The following C16orf96 variants were observed in gnomAD, a reference collection of about 807,000 sequenced individuals.
The protein encoded by C16orf96 is uncharacterized protein C16orf96.
A neutral mutation model predicts 103.6 loss-of-function variants in C16orf96; 108 were observed. That is an observed-to-expected ratio of 1.04 (90% CI 0.89 to 1.22). C16orf96 has a LOEUF of 1.22. C16orf96 is among the 50% of genes most tolerant of loss of function. The probability of loss-of-function intolerance (pLI) is 0.00; values close to 1 mark genes in which losing one functional copy is unlikely to be tolerated. For missense variants in C16orf96, 1,586 were observed against 1,464.2 expected, an observed-to-expected ratio of 1.08 and a Z score of -1.36; for synonymous variants, 566 against 593.5, an observed-to-expected ratio of 0.95 and a Z score of 0.67.
In C16orf96 at chr16:4,576,585, A is replaced by G; in HGVS notation, c.2105A>G (p.Glu702Gly). ...CCTGTCAAACACGACTCTCTGAAGGAAGAATTTGCCCAGCTGTCCTGTAAC... is the reference window on the plus strand; with the variant it reads ...CCTGTCAAACACGACTCTCTGAAGGGAGAATTTGCCCAGCTGTCCTGTAAC... ...QIPVKHDSLK[E>G]EFAQLSCNLN... Residue 702 changes from glutamate (E) to glycine (G), a missense_variant, in exon 5 of 16, where the codon GAA becomes GGA. Glu to Gly is a moderately conservative substitution (Grantham distance 98). Coordinates refer to ENST00000444310, the MANE Select transcript of C16orf96 (RefSeq NM_001145011.2). The G allele has an allele frequency of 6.4e-7, 1 of 1,551,584 alleles. No individual in the cohort carries two copies. The highest frequency in any genetic ancestry group is 8.7e-7 in the Non-Finnish European group (1 of 1,146,986).
rs889725957 is a variant in C16orf96 at position 4,576,479 on chromosome 16, A to G, written c.1999A>G (p.Met667Val). ...TCCCGATCCAGCCCTGTCCCAGGCC[A>G]TGGTGGCTACCAAGCAGGCCATGAG... is the stretch of plus-strand genomic sequence containing the variant. ...IGPDPALSQA[M>V]VATKQAMSPE... is the part of the protein sequence containing the mutation. Residue 667 changes from methionine (M) to valine (V), a missense_variant, in exon 5 of 16, where the codon ATG becomes GTG. Physicochemically the swap from Met to Val is conservative, Grantham distance 21. Transcript: ENST00000444310. 9.7e-6 allele frequency: 15 copies of G among 1,549,934 alleles called. No individual in the cohort carries two copies. The highest frequency in any genetic ancestry group is 1.2e-5 in the Non-Finnish European group (14 of 1,146,276).
chr16:4,590,885 A>T (rs1897043243), intron 9 of C16orf96, among the ~76,000 whole-genome samples: 1 of 146,606 alleles, frequency 6.8e-6, no homozygotes, highest in African/African-American at 2.5e-5. Flanking sequence ...AAAAAAAATT[A>T]GTCGGGTTTG....
At chr16:4,574,688 C>T in intron 2 of C16orf96, 21 bp from the exon 3 acceptor site, 1 of 1,547,102 alleles carries the variant, frequency 6.5e-7, no homozygotes, top group Non-Finnish European at 8.7e-7. Context: ...CCCCAGTCCA[C>T]AGACTCAGTT....
intron 7 of C16orf96, among the ~76,000 whole-genome samples, chr16:4,583,011 G>A (rs867379632): frequency 2.0e-4 from 30 of 152,096 alleles, no homozygotes; most frequent in African/African-American, 2.7e-4. Context: ...TGAGGCAGGC[G>A]GATCACCTGA....
chr16:4,583,924 C>CAAA (rs58974530), intron 7 of C16orf96, among the ~76,000 whole-genome samples: 4 of 78,132 alleles, frequency 5.1e-5, no homozygotes, highest in African/African-American at 1.9e-4. Flanking sequence ...GACTGTATCT[C>CAAA]AAAAAAAAAA....
At chr16:4,547,647 TC>T in the C16orf96 span, among the ~76,000 whole-genome samples, 2 of 53,388 alleles carry the variant, frequency 3.7e-5, no homozygotes, top group Non-Finnish European at 9.1e-5. Context: ...TGTCTTTCTT[TC>T]TTTCCTTCCT....
intron 1 of C16orf96, among the ~76,000 whole-genome samples, chr16:4,566,130 G>C (rs1456811751): frequency 6.6e-6 from 1 of 152,224 alleles, no homozygotes; most frequent in African/African-American, 2.4e-5. Context: ...ACAGACGTGA[G>C]CTACCATGCC....
At chr16:4,571,463 A>T in intron 1 of C16orf96, 98 bp from the exon 2 acceptor site, 2 of 991,606 alleles carry the variant, frequency 2.0e-6, no homozygotes, top group Non-Finnish European at 3.0e-6. Flanking sequence ...AGCCAAGAGG[A>T]CCTCTTGAAC....
chr16:4,549,914 T>C, the C16orf96 span, among the ~76,000 whole-genome samples: 2 of 152,178 alleles, frequency 1.3e-5, no homozygotes, highest in African/African-American at 4.8e-5. Context: ...CAGGAGCAGA[T>C]GTTGGCGCTG....
At chr16:4,578,860 A>G (rs558773839) in intron 5 of C16orf96, 80 bp from the exon 6 acceptor site, 2 of 1,082,398 alleles carry the variant, frequency 1.8e-6, no homozygotes, top group South Asian at 1.4e-5. Flanking sequence ...GAGATGCTCC[A>G]TAAGAGAAGC....
rs17137138 is a variant in C16orf96 at position 4,556,742 on chromosome 16, G to C, written c.253G>C (p.Val85Leu). 2.5e-3 allele frequency: 3,881 copies of C among 1,551,622 alleles called. 73 individuals are homozygous for C. The African/African-American group carries it at 0.041, about 17-fold the overall frequency. ...KRLSNVFDHVVSRLDKLENQL... is the reference protein window; with the variant it reads ...KRLSNVFDHVLSRLDKLENQL... The stretch of plus-strand genomic sequence containing the variant: ...GCTCAGCAATGTCTTCGACCACGTG[G>C]TGAGCCGCCTCGACAAGTTGGAGAA... Residue 85 changes from valine (V) to leucine (L), a missense_variant, in exon 1 of 16, where the codon GTG becomes CTG. Val to Leu is a conservative substitution (Grantham distance 32, BLOSUM62 1). Transcript: ENST00000444310.
chr16:4,546,595 G>A, the C16orf96 span, among the ~76,000 whole-genome samples: 1 of 151,766 alleles, frequency 6.6e-6, no homozygotes, highest in East Asian at 1.9e-4. Context: ...CTCCTGAGGA[G>A]CTAGGACTAC....
intron 1 of C16orf96, among the ~76,000 whole-genome samples, chr16:4,564,592 C>T (rs891893997): frequency 6.6e-6 from 1 of 152,212 alleles, no homozygotes; most frequent in African/African-American, 2.4e-5. Context: ...AGAAGGATCA[C>T]CTGAGCTCAG....
intron 6 of C16orf96, 64 bp downstream of exon 6, chr16:4,579,089 C>G (rs1349104505): frequency 7.2e-7 from 1 of 1,393,084 alleles, no homozygotes; most frequent in Admixed American, 2.0e-5. Context: ...GCTGAAGACT[C>G]CTTGACTCTG....
intron 14 of C16orf96, 121 bp from the exon 15 acceptor site, chr16:4,599,163 C>T: frequency 2.5e-6 from 2 of 786,114 alleles, no homozygotes; most frequent in Non-Finnish European, 2.1e-6. Flanking sequence ...AAGGAATGGA[C>T]CGGGGAGCCT....
chr16:4,597,202 C>T (rs777649316), intron 14 of C16orf96, among the ~76,000 whole-genome samples: 1 of 152,182 alleles, frequency 6.6e-6, no homozygotes, highest in Non-Finnish European at 1.5e-5. Flanking sequence ...CAGCCCCTGC[C>T]CCCTGCCTGG....
In C16orf96 at chr16:4,556,867, G is replaced by A. The variant is rs932536190; in HGVS notation, c.378G>A (p.Lys126=). Residue 126 remains lysine, a synonymous_variant, in exon 1 of 16, where the codon AAG becomes AAA. Transcript: ENST00000444310. ...RPVQDLWHLI[K]LRKMVEGHDE... is the part of the protein sequence containing the mutation. ...TCCAGGACCTGTGGCATCTGATCAA[G>A]CTCCGGAAGATGGTGGAGGGTCATG... 3.2e-6 allele frequency: 5 copies of A among 1,550,498 alleles called. No homozygotes were observed. The highest frequency in any genetic ancestry group is 4.4e-6 in the Non-Finnish European group (5 of 1,146,120).
At chr16:4,565,996 C>A (rs1412890549) in intron 1 of C16orf96, among the ~76,000 whole-genome samples, 1 of 152,140 alleles carries the variant, frequency 6.6e-6, no homozygotes, top group Non-Finnish European at 1.5e-5. Flanking sequence ...GCGCTTGCCA[C>A]CATGCCTGGC....
chr16:4,570,687 C>T (rs550439535), intron 1 of C16orf96, among the ~76,000 whole-genome samples: 1 of 152,154 alleles, frequency 6.6e-6, no homozygotes, highest in African/African-American at 2.4e-5. Flanking sequence ...AGACTGTTAT[C>T]GAACTCCTGG....
Sources: allele counts gnomAD v4.1 joint callset (sites outside exome capture counted in the v4.1 genomes callset), GRCh38; gene constraint gnomAD v4.1.1; transcripts MANE v1.5; gene names NCBI Gene and HGNC (gene_info 2026-07-23, HGNC 2026-07-21).